Variants in IFT74 observed in about 807,000 individuals in gnomAD.
IFT74 encodes the protein intraflagellar transport protein 74 homolog.
Under a neutral mutation model 96.7 loss-of-function variants are expected in IFT74, and 92 were observed. That is an observed-to-expected ratio of 0.95 (90% confidence interval 0.80 to 1.13). The LOEUF is 1.13. Ranked by LOEUF, IFT74 falls within the 50% of genes most tolerant of loss-of-function variation. The pLI, the probability that IFT74 is intolerant of heterozygous loss-of-function variation, is 0.00. For missense variants in IFT74, 811 were observed against 698.2 expected (o/e 1.16, Z -1.82); for synonymous variants, 223 against 213.2 (o/e 1.05, Z -0.40).
At chr9:26,976,839 T>C in intron 2 of IFT74, 1 of 449,994 alleles carries the variant, frequency 2.2e-6, no homozygotes, top group South Asian at 1.6e-5. Flanking sequence ...TGAGGTCGTA[T>C]AGTGTTATGT....
intron 4 of IFT74, 180 bp from the exon 5 acceptor site, chr9:26,984,077 C>G: frequency 2.3e-6 from 1 of 443,046 alleles, no homozygotes; most frequent in Non-Finnish European, 3.8e-6. Context: ...ACCCACCGCA[C>G]CCAGCCAGAA....
intron 13 of IFT74, among the ~76,000 whole-genome samples, chr9:27,032,316 T>A (rs546360754): frequency 6.6e-6 from 1 of 152,132 alleles, no homozygotes; most frequent in Non-Finnish European, 1.5e-5. Flanking sequence ...AAATTCTTTT[T>A]GCTATAGTTT....
intron 12 of IFT74, among the ~76,000 whole-genome samples, chr9:27,025,294 T>A (rs998210709): frequency 6.7e-6 from 1 of 148,916 alleles, no homozygotes. Context: ...AATACAAAAA[T>A]CCGCTGGGCA....
At chr9:27,002,970 T>C (rs1828579632) in intron 8 of IFT74, among the ~76,000 whole-genome samples, 1 of 152,166 alleles carries the variant, frequency 6.6e-6, no homozygotes, top group Non-Finnish European at 1.5e-5. Context: ...CTTTCATCAG[T>C]GTTTTACAGT....
At chr9:26,998,685 T>C (rs978810777) in intron 8 of IFT74, among the ~76,000 whole-genome samples, 4 of 152,234 alleles carry the variant, frequency 2.6e-5, no homozygotes, top group Middle Eastern at 3.4e-3. Context: ...CTAGGGCTGT[T>C]CAATAATTAA....
chr9:27,008,962 T>C, intron 8 of IFT74, 58 bp from the exon 9 acceptor site: 1 of 1,359,514 alleles, frequency 7.4e-7, no homozygotes, highest in Non-Finnish European at 1.0e-6. Context: ...TTGTATAAAA[T>C]AATTGGATAT....
chr9:27,044,602 A>G (rs912476250), intron 13 of IFT74, 140 bp from the exon 14 acceptor site: 23 of 564,070 alleles, frequency 4.1e-5, no homozygotes, highest in Non-Finnish European at 6.7e-5. Flanking sequence ...TCTATAAGTC[A>G]TTGTAAAAGA....
At chr9:26,974,982 A>G (rs1827045192) in intron 2 of IFT74, among the ~76,000 whole-genome samples, 1 of 152,028 alleles carries the variant, frequency 6.6e-6, no homozygotes, top group Admixed American at 6.6e-5. Context: ...TATCCTTTTT[A>G]CATTGTTCTA....
At chr9:27,038,678 C>G (rs1286416877) in intron 13 of IFT74, among the ~76,000 whole-genome samples, 2 of 152,148 alleles carry the variant, frequency 1.3e-5, no homozygotes, top group Non-Finnish European at 2.9e-5. Context: ...TAGAGAAACC[C>G]TTACCAACAA....
upstream of IFT74, among the ~76,000 whole-genome samples, chr9:26,955,067 T>C (rs1255860941): frequency 6.6e-6 from 1 of 152,230 alleles, no homozygotes; most frequent in Non-Finnish European, 1.5e-5. Context: ...TAATAGTATC[T>C]GTCCTGCCAA....
At position 27,047,940 on chromosome 9, in the gene IFT74, A is replaced by C. The variant is rs552562977; in HGVS notation, c.1207-208A>C. ...AGTGAAATAAAGGAAATGAAAAAAA[A>C]CCCACAATTTTGAATTTATAGTCTG... is the stretch of plus-strand genomic sequence containing the variant. On this transcript the variant is annotated intron_variant, in intron 15 of 19. Transcript: ENST00000380062. 3.0e-4 allele frequency among the ~76,000 whole-genome samples: 46 copies of C among 152,288 alleles called. No homozygotes were observed. The East Asian group carries it at 5.2e-3, about 17-fold the overall frequency.
chr9:27,048,307 T>C (rs1819780916), intron 16 of IFT74, 33 bp downstream of exon 16: 6 of 1,420,272 alleles, frequency 4.2e-6, no homozygotes, highest in Non-Finnish European at 5.7e-6. Context: ...AATATTCTTT[T>C]TTTTTAAAAT....
intron 12 of IFT74, chr9:27,028,816 C>A: frequency 2.5e-6 from 1 of 398,912 alleles, no homozygotes. Flanking sequence ...GTATTGTCCT[C>A]ATAATAGGAT....
chr9:27,064,030 T>G lies in IFT74; in HGVS notation c.*1294T>G, dbSNP rs1366063149. 6.6e-6 allele frequency among the ~76,000 whole-genome samples: 1 copy of G among 152,148 alleles called. No homozygotes were observed. The highest frequency in any genetic ancestry group is 1.5e-5 in the Non-Finnish European group (1 of 67,986). On this transcript the variant is annotated 3_prime_UTR_variant, in exon 20 of 20. Coordinates refer to ENST00000380062, the MANE Select transcript of IFT74 (RefSeq NM_025103.4). Reference sequence around the variant, plus strand: ...TGAAACAAAGGTGAATTATTTTATTTTTTCTTGACTGCTCATAACCCTTAA... The same window carrying G: ...TGAAACAAAGGTGAATTATTTTATTGTTTCTTGACTGCTCATAACCCTTAA...
At chr9:27,036,110 A>G (rs1205837151) in intron 13 of IFT74, among the ~76,000 whole-genome samples, 1 of 152,208 alleles carries the variant, frequency 6.6e-6, no homozygotes, top group East Asian at 1.9e-4. Context: ...AAAGATTTTT[A>G]TTATTTTCCA....
At chr9:27,005,361 G>C (rs6475951) in intron 8 of IFT74, among the ~76,000 whole-genome samples, 7,081 of 24,658 alleles carry the variant, frequency 0.29, 1,373 homozygotes, top group East Asian at 0.75. Flanking sequence ...TTCCCCCCCC[G>C]CCCCCCGCAA....
chr9:27,037,345 T>G (rs1819252886), intron 13 of IFT74, among the ~76,000 whole-genome samples: 1 of 152,084 alleles, frequency 6.6e-6, no homozygotes, highest in East Asian at 1.9e-4. Flanking sequence ...TTAGCCTTTG[T>G]GAGCATTCCT....
chr9:27,042,527 A>T (rs984630992), intron 13 of IFT74, among the ~76,000 whole-genome samples: 1 of 152,174 alleles, frequency 6.6e-6, no homozygotes, highest in Non-Finnish European at 1.5e-5. Context: ...GTATAATCTC[A>T]CTGAGAACAA....
intron 1 of IFT74, chr9:26,947,171 G>A (rs1825762357): frequency 2.9e-5 from 33 of 1,135,946 alleles, no homozygotes; most frequent in Non-Finnish European, 3.9e-5. Context: ...GAGACCGGAA[G>A]AGCCCGAGAG....
Sources: gnomAD v4.1 joint callset for allele counts (sites outside exome capture counted in the v4.1 genomes callset) on GRCh38, gnomAD v4.1.1 for gene constraint, MANE v1.5 for transcripts, NCBI Gene and HGNC (gene_info 2026-07-23, HGNC 2026-07-21) for gene names.